The following KCTD20 variants were observed in gnomAD, a reference collection of about 807,000 sequenced individuals.
KCTD20 encodes BTB/POZ domain-containing protein KCTD20.
In KCTD20, 30 loss-of-function variants were observed where a neutral mutation model predicts 39.6. The ratio of observed to expected loss-of-function variants is 0.76; its 90% CI spans 0.57 to 1.03. The LOEUF is 1.03. KCTD20 is among the 50% of genes least tolerant of loss of function. The pLI is 0.00. For missense variants in KCTD20, 422 were observed against 522.0 expected (o/e 0.81, Z 1.87); for synonymous variants, 162 against 180.6 (o/e 0.90, Z 0.83).
chr6:36,458,541 C>CA (rs1174858102), intron 1 of KCTD20, among the ~76,000 whole-genome samples: 757 of 66,644 alleles, frequency 0.011, 12 homozygotes, highest in East Asian at 0.034. Context: ...AACTCCATCT[C>CA]AAAAAAAAAA....
rs1776440172 is a variant in KCTD20 at position 36,486,915 on chromosome 6, A to T, written c.1000A>T (p.Arg334Trp). ...TACCTGTAAAGAAAAAATTAAGAGA[A>T]GGCCTGGCGGCCGGTCTGAAGTCAT... Reference protein sequence around the residue: ...YPTCKEKIKRRPGGRSEVIYN... With the variant: ...YPTCKEKIKRWPGGRSEVIYN... Residue 334 changes from arginine to tryptophan, a missense_variant, in exon 8 of 8, where the codon AGG (arginine) becomes TGG (tryptophan). Coordinates refer to ENST00000373731, the MANE Select transcript of KCTD20 (RefSeq NM_173562.5). 1 of 1,613,270 alleles carries T rather than the reference A, an allele frequency of 6.2e-7. No individual in the cohort carries two copies. The highest frequency in any genetic ancestry group is 2.2e-5 in the East Asian group (1 of 44,888).
rs151079071 is a variant in KCTD20, at chr6:36,462,311, C to T, written c.-46-7741C>T. On this transcript the variant is annotated intron_variant, in intron 1 of 7. Coordinates refer to ENST00000373731, the MANE Select transcript of KCTD20 (RefSeq NM_173562.5). ...GTGGTCAGATTTGTCTTTCTCATTT[C>T]GCTTTTGGGTTTTGGGTCTTGATTA... Among the ~76,000 whole-genome samples, 110 of 152,146 alleles carry T rather than the reference C, an allele frequency of 7.2e-4. 1 individual carries two copies. Among genetic ancestry groups the T allele is most frequent in the African/African-American group, 2.3e-3 (95 of 41,552 alleles).
At chr6:36,481,365 G>T (rs1561958492) in intron 5 of KCTD20, among the ~76,000 whole-genome samples, 197 bp from the exon 6 acceptor site, 4 of 152,180 alleles carry the variant, frequency 2.6e-5, no homozygotes. Context: ...TGAGTAAATT[G>T]AAGAGTGGTA....
rs150841894 is a variant in KCTD20 at position 36,472,753 on chromosome 6, G to A, written c.161-2036G>A. Among the ~76,000 whole-genome samples the A allele has an allele frequency of 9.9e-5, 15 of 152,116 alleles. No individual in the cohort carries two copies. In the East Asian group the frequency reaches 2.7e-3, roughly 27 times the overall value. On this transcript the variant is annotated intron_variant, in intron 2 of 7. Coordinates refer to ENST00000373731, the MANE Select transcript of KCTD20 (RefSeq NM_173562.5). ...ATCACTTTGGGGAGCCAAGGTGGGCGGATCACTTGAGGAGACTGCCTATTT... is the reference window on the plus strand; with the variant it reads ...ATCACTTTGGGGAGCCAAGGTGGGCAGATCACTTGAGGAGACTGCCTATTT...
At chr6:36,453,232 G>A (rs963020419) in intron 1 of KCTD20, among the ~76,000 whole-genome samples, 1 of 151,276 alleles carries the variant, frequency 6.6e-6, no homozygotes, top group Non-Finnish European at 1.5e-5. Context: ...GGCTGGTCTT[G>A]AACTCCTGAC....
At position 36,488,834 on chromosome 6, in the gene KCTD20, G is replaced by A. The variant is rs1365885247; in HGVS notation, c.*1659G>A. 1 of 152,616 alleles carries A rather than the reference G, an allele frequency of 6.6e-6. No individual in the cohort carries two copies. The highest frequency in any genetic ancestry group is 1.5e-5 in the Non-Finnish European group (1 of 68,042). The allele number at this position is 152,616 out of a possible 1,614,324, so 9.5% of individuals were successfully genotyped here. The stretch of plus-strand genomic sequence containing the variant: ...CTGAAAAAGTGTTCTTACGTTCTCT[G>A]CATGTGACTAGCATCACTGTGGAAA... On this transcript the variant is annotated 3_prime_UTR_variant, in exon 8 of 8. Transcript: ENST00000373731.
Position 36,443,071 on chromosome 6 carries a change from G to C in KCTD20, c.-87G>C, listed in dbSNP as rs1398132274. ...GCGGCCTGCGCGCGCCTCCCGGGCG[G>C]ATTCCAGCCCCGAGCGGGACAGCGC... On this transcript the variant is annotated 5_prime_UTR_variant, in exon 1 of 8. Transcript: ENST00000373731. 1 of 151,840 alleles carries C rather than the reference G, an allele frequency of 6.6e-6. No individual in the cohort carries two copies. Among genetic ancestry groups the C allele is most frequent in the Non-Finnish European group, 1.5e-5 (1 of 67,948 alleles). 9.4% of individuals were successfully genotyped at this position (151,840 alleles called of 1,614,324 possible). A position where few individuals can be genotyped will look rare whatever the true frequency, so the allele number is the denominator to read the frequency against.
intron 6 of KCTD20, among the ~76,000 whole-genome samples, chr6:36,483,295 T>TC (rs1158272578): frequency 1.7e-5 from 2 of 116,418 alleles, no homozygotes; most frequent in African/African-American, 7.2e-5. Flanking sequence ...TGAGACAGAG[T>TC]CCCACCTCCT....
At chr6:36,449,635 G>A (rs1050598118) in intron 1 of KCTD20, among the ~76,000 whole-genome samples, 2 of 152,068 alleles carry the variant, frequency 1.3e-5, no homozygotes, top group South Asian at 2.1e-4. Flanking sequence ...GTCCCCACTC[G>A]ACCCAGGAAG....
chr6:36,453,009 T>A, intron 1 of KCTD20, among the ~76,000 whole-genome samples: 1 of 140,548 alleles, frequency 7.1e-6, no homozygotes, highest in African/African-American at 2.7e-5. Flanking sequence ...CTTTTTTTTT[T>A]TTTTTTTTTT....
intron 1 of KCTD20, among the ~76,000 whole-genome samples, chr6:36,460,111 G>A (rs968873992): frequency 2.0e-5 from 3 of 152,120 alleles, no homozygotes; most frequent in Non-Finnish European, 4.4e-5. Context: ...TCTATTATAT[G>A]TTGACCAGCT....
intron 1 of KCTD20, among the ~76,000 whole-genome samples, chr6:36,468,723 T>C (rs1455921522): frequency 3.3e-5 from 5 of 152,234 alleles, no homozygotes; most frequent in African/African-American, 9.6e-5. Context: ...TAAGAAAGGA[T>C]AATTGTGAAA....
chr6:36,473,773 A>C (rs962241247), intron 2 of KCTD20, among the ~76,000 whole-genome samples: 1 of 151,936 alleles, frequency 6.6e-6, no homozygotes, highest in African/African-American at 2.4e-5. Flanking sequence ...ACTCTATCTC[A>C]AAAAAAATAA....
chr6:36,450,063 C>A (rs1419733735), intron 1 of KCTD20, among the ~76,000 whole-genome samples: 3 of 148,506 alleles, frequency 2.0e-5, no homozygotes, highest in African/African-American at 7.5e-5. Flanking sequence ...ACTTGGGAGG[C>A]TGAGGCAGGA....
rs1417529398 is a variant in KCTD20 at position 36,485,306 on chromosome 6, C to A, written c.967+482C>A. Among the ~76,000 whole-genome samples, 3 of 150,378 alleles carry A rather than the reference C, an allele frequency of 2.0e-5. No individual in the cohort carries two copies. In the East Asian group the frequency reaches 5.8e-4, roughly 29 times the overall value. ...TCCAGCCTGGGCAATAAGAGTTAAA[C>A]TTCATCTCAAAAAAAAAAAAAGATT... On this transcript the variant is annotated intron_variant, in intron 7 of 7. Coordinates refer to ENST00000373731, the MANE Select transcript of KCTD20 (RefSeq NM_173562.5).
intron 1 of KCTD20, among the ~76,000 whole-genome samples, chr6:36,447,651 T>C (rs1775088023): frequency 6.6e-6 from 1 of 151,172 alleles, no homozygotes. Context: ...GAAAAAAATA[T>C]AAAATTTTTG....
rs1450594442 is a variant in KCTD20, at chr6:36,487,531, G to A, written c.*356G>A. ...CTTATCCTTTATACTCTGTTCTTGGGTTTTGTTTTTGTCTTGTTTTATACC... is the reference window on the plus strand; with the variant it reads ...CTTATCCTTTATACTCTGTTCTTGGATTTTGTTTTTGTCTTGTTTTATACC... On this transcript the variant is annotated 3_prime_UTR_variant, in exon 8 of 8. Coordinates refer to ENST00000373731, the MANE Select transcript of KCTD20 (RefSeq NM_173562.5). 2.1e-5 allele frequency: 4 copies of A among 195,104 alleles called. No homozygotes were observed. Among genetic ancestry groups the A allele is most frequent in the African/African-American group, 9.3e-5 (4 of 42,824 alleles). The allele number at this position is 195,104 out of a possible 1,614,324, so 12.1% of individuals were successfully genotyped here.
At chr6:36,459,814 T>G (rs1340416661) in intron 1 of KCTD20, among the ~76,000 whole-genome samples, 1 of 152,260 alleles carries the variant, frequency 6.6e-6, no homozygotes, top group Non-Finnish European at 1.5e-5. Context: ...GCTCTGTTAC[T>G]ATAGTACTGA....
intron 1 of KCTD20, among the ~76,000 whole-genome samples, chr6:36,453,403 C>T (rs1041602834): frequency 6.6e-6 from 1 of 152,088 alleles, no homozygotes; most frequent in South Asian, 2.1e-4. Context: ...ACATTAATTT[C>T]TGCCCTTATT....
Sources: allele counts gnomAD v4.1 joint callset (sites outside exome capture counted in the v4.1 genomes callset), GRCh38; gene constraint gnomAD v4.1.1; transcripts MANE v1.5; gene names NCBI Gene and HGNC (gene_info 2026-07-23, HGNC 2026-07-21).